Variants in NISCH observed in about 807,000 individuals in gnomAD.
NISCH encodes the protein nischarin, also known as I-1 receptor candidate protein.
In NISCH, 55 loss-of-function variants were observed where a neutral mutation model predicts 138.4. The ratio of observed to expected loss-of-function variants is 0.40; its 90% CI spans 0.32 to 0.50. NISCH has a LOEUF of 0.50. Ranked by LOEUF, NISCH falls within the 20% of genes least tolerant of loss-of-function variation. The pLI is 0.71. For missense variants in NISCH, 1,643 were observed against 2,005.5 expected (o/e 0.82, Z 3.45); for synonymous variants, 860 against 861.5 (o/e 1.00, Z 0.03).
chr3:52,488,893 C>T (rs765572164), intron 16 of NISCH, among the ~76,000 whole-genome samples: 13 of 152,258 alleles, frequency 8.5e-5, no homozygotes, highest in Non-Finnish European at 1.6e-4. Context: ...GGCTGCCCCA[C>T]CTTTGCCTGC....
chr3:52,463,133 C>T (rs1001755812), intron 3 of NISCH, among the ~76,000 whole-genome samples: 1 of 152,178 alleles, frequency 6.6e-6, no homozygotes, highest in African/African-American at 2.4e-5. Context: ...TCCCCCAGCC[C>T]CTGGCAGTCA....
In NISCH at chr3:52,478,171, G is replaced by A; in HGVS notation, c.1062G>A (p.Leu354=). 6.2e-7 allele frequency: 1 copy of A among 1,614,098 alleles called. No homozygotes were observed. The highest frequency in any genetic ancestry group is 8.5e-7 in the Non-Finnish European group (1 of 1,180,022). The change falls in exon 10 of 21, where the codon CTG becomes CTA. Residue 354 remains leucine (L), a synonymous_variant. Transcript: ENST00000345716. ...CCTTGGAAGGGCTTCACACCAAGCT[G>A]GGGAACATCAAGACCTTAAACCTGG... is the stretch of plus-strand genomic sequence containing the variant. ...LSSLEGLHTK[L]GNIKTLNLAG...
intron 3 of NISCH, 108 bp from the exon 4 acceptor site, chr3:52,470,750 TC>T (rs1454669142): frequency 2.2e-6 from 2 of 905,008 alleles, no homozygotes; most frequent in African/African-American, 3.3e-5. Context: ...TAGTTTAACT[TC>T]CTAGAGAGAT....
chr3:52,470,822 G>A lies in NISCH; in HGVS notation c.361-37G>A, dbSNP rs368488190. 1.6e-5 allele frequency: 25 copies of A among 1,604,740 alleles called. No individual in the cohort carries two copies. In the African/African-American group the frequency reaches 3.1e-4, roughly 20 times the overall value. ...ATGTGACCCCAGGGACTGGGGTCAG[G>A]TGGACTTTCTAAGGGCAAATTTTGT... On this transcript the variant is annotated intron_variant, in intron 3 of 20. Transcript: ENST00000345716.
intron 12 of NISCH, 129 bp from the exon 13 acceptor site, chr3:52,480,055 A>G (rs1004223462): frequency 1.8e-6 from 2 of 1,099,648 alleles, no homozygotes; most frequent in African/African-American, 1.6e-5. Context: ...TTCCTGCTCT[A>G]AGGATATGAT....
intron 3 of NISCH, among the ~76,000 whole-genome samples, chr3:52,459,085 G>A (rs963684588): frequency 6.6e-6 from 1 of 152,178 alleles, no homozygotes; most frequent in African/African-American, 2.4e-5. Context: ...AAGGCATTTT[G>A]TTTAGCAAAA....
At position 52,489,515 on chromosome 3, in the gene NISCH, C is replaced by T; in HGVS notation, c.3293C>T (p.Pro1098Leu). ...ACGCCAGTGGAAGCTCCAGCCCCAC[C>T]CCCAGCCGAGGCCCCTGCCCAGTAC... ...EETPVEAPAP[P>L]PAEAPAQYPS... The change falls in exon 17 of 21, where the codon CCC (proline) becomes CTC (leucine). Residue 1098 changes from proline to leucine, a missense_variant. By Grantham distance (98) the Pro-to-Leu change is moderately conservative. Coordinates refer to ENST00000345716, the MANE Select transcript of NISCH (RefSeq NM_007184.4). 6.2e-7 allele frequency: 1 copy of T among 1,612,824 alleles called. No homozygotes were observed. The highest frequency in any genetic ancestry group is 8.5e-7 in the Non-Finnish European group (1 of 1,179,626).
At chr3:52,478,333 C>A in intron 10 of NISCH, 51 bp downstream of exon 10, 2 of 1,607,478 alleles carry the variant, frequency 1.2e-6, no homozygotes, top group Non-Finnish European at 1.7e-6. Context: ...TGGTGTGTAT[C>A]ATGTTAAAGA....
At position 52,473,778 on chromosome 3, in the gene NISCH, G is replaced by T; in HGVS notation, c.714G>T (p.Ser238=). 1 of 1,609,652 alleles carries T rather than the reference G, an allele frequency of 6.2e-7. No homozygotes were observed. The highest frequency in any genetic ancestry group is 8.5e-7 in the Non-Finnish European group (1 of 1,176,424). ...DAKHIRGLVA[S]KPTLATLSVR... is the part of the protein sequence containing the mutation. Reference sequence around the variant, plus strand: ...AGCACATCAGAGGGCTGGTCGCATCGAAGCCCACCTTAGCCACGCTGAGTG... The same window carrying T: ...AGCACATCAGAGGGCTGGTCGCATCTAAGCCCACCTTAGCCACGCTGAGTG... Residue 238 remains serine (S), a synonymous_variant, in exon 7 of 21, where the codon TCG becomes TCT. Transcript: ENST00000345716.
intron 16 of NISCH, among the ~76,000 whole-genome samples, chr3:52,488,809 A>C (rs138570311): frequency 3.8e-4 from 58 of 151,104 alleles, no homozygotes; most frequent in African/African-American, 1.2e-3. Context: ...GCTGTAGAAG[A>C]AGCCCAGGAA....
intron 8 of NISCH, among the ~76,000 whole-genome samples, chr3:52,477,301 C>G (rs971039504): frequency 2.0e-5 from 3 of 152,338 alleles, no homozygotes; most frequent in South Asian, 2.1e-4. Context: ...AGAACAGACT[C>G]TCTTCTCTGT....
chr3:52,478,707 G>C (rs777178906), intron 11 of NISCH, 130 bp downstream of exon 11: 5 of 819,102 alleles, frequency 6.1e-6, no homozygotes, highest in Admixed American at 2.5e-5. Context: ...TGTCCCTTAG[G>C]GGCTTTTCAG....
At chr3:52,478,040 C>T (rs1707154966) in intron 9 of NISCH, 57 bp from the exon 10 acceptor site, 2 of 1,578,466 alleles carry the variant, frequency 1.3e-6, no homozygotes, top group South Asian at 1.1e-5. Context: ...AGTGTCAGGC[C>T]CCTATCTTTG....
intron 3 of NISCH, among the ~76,000 whole-genome samples, chr3:52,466,164 G>A (rs906416943): frequency 6.6e-6 from 1 of 152,188 alleles, no homozygotes; most frequent in Non-Finnish European, 1.5e-5. Context: ...ACTCTCTTCA[G>A]TTAAAGCTGA....
intron 6 of NISCH, 38 bp downstream of exon 6, chr3:52,472,436 A>G (rs1193982676): frequency 4.6e-6 from 7 of 1,530,232 alleles, no homozygotes; most frequent in South Asian, 2.2e-5. Flanking sequence ...CTCGCTCCCA[A>G]CTCAGAGGCT....
Position 52,477,650 on chromosome 3 carries a change from C to G in NISCH, c.987+8C>G. 1 of 1,610,444 alleles carries G rather than the reference C, an allele frequency of 6.2e-7. No individual in the cohort carries two copies. The highest frequency in any genetic ancestry group is 8.5e-7 in the Non-Finnish European group (1 of 1,176,612). On this transcript the variant is annotated splice_region_variant and intron_variant, in intron 9 of 20. Coordinates refer to ENST00000345716, the MANE Select transcript of NISCH (RefSeq NM_007184.4). ...GTTGTGGACAATCTGCAGGTAGTGCCTTTGGAGACCAGTGCTGCCCGCACA... is the reference window on the plus strand; with the variant it reads ...GTTGTGGACAATCTGCAGGTAGTGCGTTTGGAGACCAGTGCTGCCCGCACA...
intron 14 of NISCH, among the ~76,000 whole-genome samples, chr3:52,485,377 C>T (rs992053202): frequency 1.3e-5 from 2 of 152,224 alleles, no homozygotes; most frequent in South Asian, 4.1e-4. Flanking sequence ...AGGTATTCCC[C>T]AGTGCACAGA....
At chr3:52,480,569 G>A in intron 13 of NISCH, 1 of 1,448,556 alleles carries the variant, frequency 6.9e-7, no homozygotes, top group Admixed American at 2.8e-5. Flanking sequence ...GACAGGCCCT[G>A]AGGCTGCCCT....
At chr3:52,490,987 C>T (rs984571882) in intron 19 of NISCH, among the ~76,000 whole-genome samples, 154 bp downstream of exon 19, 1 of 152,250 alleles carries the variant, frequency 6.6e-6, no homozygotes, top group African/African-American at 2.4e-5. Flanking sequence ...GCTTCAGGAA[C>T]TGCTGAGAGA....
Sources: allele counts gnomAD v4.1 joint callset (sites outside exome capture counted in the v4.1 genomes callset), GRCh38; gene constraint gnomAD v4.1.1; transcripts MANE v1.5; gene names NCBI Gene and HGNC (gene_info 2026-07-23, HGNC 2026-07-21).